ZC3H12B: variants seen among roughly 807,000 people sequenced by gnomAD.
ZC3H12B encodes the protein zinc finger CCCH-type containing 12B.
A neutral mutation model predicts 43.9 loss-of-function variants in ZC3H12B; 7 were observed. The ratio of observed to expected loss-of-function variants is 0.16; its 90% CI spans 0.09 to 0.30. The LOEUF (loss-of-function observed/expected upper bound fraction) is 0.30, where lower values mean the gene tolerates loss of function less well. Among genes scored for constraint, ZC3H12B ranks in the 10% least tolerant of loss-of-function variants. The probability of loss-of-function intolerance (pLI) is 1.00; values close to 1 mark genes in which losing one functional copy is unlikely to be tolerated. For missense variants in ZC3H12B, 475 were observed against 670.2 expected (o/e 0.71, Z 3.22); for synonymous variants, 222 against 241.7 (o/e 0.92, Z 0.76).
intron 2 of ZC3H12B, among the ~76,000 whole-genome samples, chrX:65,373,654 C>A (rs1397441077): frequency 1.0e-5 from 1 of 99,964 alleles, no homozygotes; most frequent in African/African-American, 3.7e-5. Context: ...GAAAACCAAA[C>A]ACTGAATGTT....
At chrX:65,300,687 T>G in the ZC3H12B span, among the ~76,000 whole-genome samples, 3 of 111,000 alleles carry the variant, frequency 2.7e-5, no homozygotes, top group African/African-American at 9.8e-5. Context: ...GCTTGTATCC[T>G]CCCTATACCA....
chrX:65,290,405 C>T, the ZC3H12B span, among the ~76,000 whole-genome samples: 1 of 110,554 alleles, frequency 9.0e-6, no homozygotes, highest in Non-Finnish European at 1.9e-5. Context: ...TAAACTGATA[C>T]AAACACTATG....
chrX:65,236,744 C>T, the ZC3H12B span, among the ~76,000 whole-genome samples: 1 of 112,188 alleles, frequency 8.9e-6, no homozygotes, highest in African/African-American at 3.2e-5. Context: ...GGAAGGCTTA[C>T]AATTTCAATT....
At chrX:65,321,026 C>A in the ZC3H12B span, among the ~76,000 whole-genome samples, 1 of 111,911 alleles carries the variant, frequency 8.9e-6, no homozygotes, top group African/African-American at 3.2e-5. Context: ...GCAGTCACAA[C>A]AAAAGCAAAA....
chrX:65,393,004 G>A (rs2066646725), intron 2 of ZC3H12B, among the ~76,000 whole-genome samples: 1 of 111,540 alleles, frequency 9.0e-6, no homozygotes, highest in Admixed American at 9.5e-5. Flanking sequence ...TGGATTAAGG[G>A]CGGTGCAAGA....
chrX:65,410,288 C>T (rs148897335), intron 3 of ZC3H12B, among the ~76,000 whole-genome samples: 2,133 of 111,188 alleles, frequency 0.019, 21 homozygotes, highest in Non-Finnish European at 0.032. Flanking sequence ...TAGACCCCTG[C>T]GTCTCACCAT....
the ZC3H12B span, chrX:65,273,071 T>C: frequency 8.9e-6 from 1 of 112,178 alleles, no homozygotes; most frequent in Non-Finnish European, 1.9e-5. Context: ...CCACTAACAG[T>C]GTGACTTCAG....
the ZC3H12B span, among the ~76,000 whole-genome samples, chrX:65,221,547 A>G: frequency 1.8e-5 from 2 of 111,696 alleles, no homozygotes; most frequent in African/African-American, 6.5e-5. Context: ...AGATCATTCT[A>G]GGCTACTGTG....
chrX:65,052,808 T>C, the ZC3H12B span, among the ~76,000 whole-genome samples: 2 of 111,892 alleles, frequency 1.8e-5, no homozygotes, highest in Admixed American at 1.9e-4. Flanking sequence ...ACAATAGAAT[T>C]GCTGTTGTAT....
chrX:65,214,630 C>T, the ZC3H12B span, among the ~76,000 whole-genome samples: 1 of 111,535 alleles, frequency 9.0e-6, no homozygotes, highest in Non-Finnish European at 1.9e-5. Context: ...TGACTTCCTC[C>T]ACTGAAGTCT....
At chrX:65,095,911 T>G in the ZC3H12B span, among the ~76,000 whole-genome samples, 2 of 110,800 alleles carry the variant, frequency 1.8e-5, no homozygotes, top group East Asian at 5.7e-4. Flanking sequence ...CCCCTACAAC[T>G]TACAACCACA....
Position 65,461,535 on chromosome X carries a change from A to C in ZC3H12B, n.408-27111A>C, listed in dbSNP as rs147424276. ...TACTATGCACCCATAAAAAAGGATG[A>C]GTTCTTGTCCTTTGTAGGGACAGGG... is the stretch of plus-strand genomic sequence containing the variant. On this transcript the variant is annotated intron_variant and non_coding_transcript_variant, in intron 3 of 5. Transcript: ENST00000617377. 5.5e-4 allele frequency among the ~76,000 whole-genome samples: 62 copies of C among 112,313 alleles called. No individual in the cohort carries two copies. The East Asian group carries it at 9.7e-3, about 18-fold the overall frequency.
At chrX:65,128,583 G>A in the ZC3H12B span, among the ~76,000 whole-genome samples, 1 of 111,871 alleles carries the variant, frequency 8.9e-6, no homozygotes, top group Non-Finnish European at 1.9e-5. Context: ...TTGGTTTGTA[G>A]TGTTCTTGCA....
At chrX:65,386,955 T>A (rs1407465783) in intron 2 of ZC3H12B, among the ~76,000 whole-genome samples, 1 of 111,840 alleles carries the variant, frequency 8.9e-6, no homozygotes, top group African/African-American at 3.3e-5. Flanking sequence ...GTTGAGCGAT[T>A]TTGAGTGAGT....
the ZC3H12B span, among the ~76,000 whole-genome samples, chrX:65,095,271 G>A: frequency 8.9e-6 from 1 of 111,811 alleles, no homozygotes; most frequent in Non-Finnish European, 1.9e-5. Flanking sequence ...AGAATCATGA[G>A]TTTAAAAGAT....
chrX:65,490,426 T>C (rs2068188862), intron 1 of ZC3H12B, among the ~76,000 whole-genome samples: 1 of 104,635 alleles, frequency 9.6e-6, no homozygotes, highest in South Asian at 4.2e-4. Context: ...TCTAGAAAGC[T>C]GAAAAGGGCA....
At chrX:65,278,760 C>A in the ZC3H12B span, among the ~76,000 whole-genome samples, 1 of 110,355 alleles carries the variant, frequency 9.1e-6, no homozygotes, top group African/African-American at 3.3e-5. Flanking sequence ...GTATTAAGCC[C>A]AGTACTCAAT....
chrX:65,241,360 T>TG, the ZC3H12B span, among the ~76,000 whole-genome samples: 3 of 111,036 alleles, frequency 2.7e-5, no homozygotes, highest in Non-Finnish European at 5.7e-5. Flanking sequence ...TGCTGCATTG[T>TG]GGGGGGACTC....
At chrX:65,113,910 A>G in the ZC3H12B span, among the ~76,000 whole-genome samples, 8 of 100,798 alleles carry the variant, frequency 7.9e-5, no homozygotes, top group African/African-American at 2.4e-4. Context: ...AGAAAAATTT[A>G]TGTGACTCAC....
Sources: allele counts gnomAD v4.1 joint callset (sites outside exome capture counted in the v4.1 genomes callset), GRCh38; gene constraint gnomAD v4.1.1; transcripts MANE v1.5; gene names NCBI Gene and HGNC (gene_info 2026-07-23, HGNC 2026-07-21).